MECOM: variants seen among roughly 807,000 people sequenced by gnomAD.
MECOM encodes MDS1 and EVI1 complex locus, also known as histone-lysine N-methyltransferase MECOM.
Under a neutral mutation model 116.3 loss-of-function variants are expected in MECOM, and 13 were observed. The observed-to-expected ratio is 0.11, with a 90% confidence interval of 0.07 to 0.18. MECOM has a LOEUF of 0.18. Among genes scored for constraint, MECOM ranks in the 10% least tolerant of loss-of-function variants. MECOM has a pLI of 1.00. For missense variants in MECOM, 1,299 were observed against 1,509.0 expected, an observed-to-expected ratio of 0.86 and a Z score of 2.31; for synonymous variants, 528 against 535.2, an observed-to-expected ratio of 0.99 and a Z score of 0.19.
intron 2 of MECOM, among the ~76,000 whole-genome samples, chr3:169,165,680 CT>C (rs891766126): frequency 6.6e-6 from 1 of 152,086 alleles, no homozygotes; most frequent in Non-Finnish European, 1.5e-5. Flanking sequence ...ATGCTAGTGA[CT>C]TTTTTATTTC....
Position 169,093,014 on chromosome 3 carries a change from T to G in MECOM, c.3108A>C (p.Arg1036=). Reference sequence around the variant, plus strand: ...CATGGTTGCTGTTCCCAATGAAATTTCGAATTTCTGTGAAGTAAGCATCTT... The same window carrying G: ...CATGGTTGCTGTTCCCAATGAAATTGCGAATTTCTGTGAAGTAAGCATCTT... ...DKEDAYFTEI[R]NFIGNSNHGS... The change falls in exon 14 of 17, where the codon CGA becomes CGC. Residue 1036 remains arginine (R), a synonymous_variant. Transcript: ENST00000651503. 1 of 1,613,852 alleles carries G rather than the reference T, an allele frequency of 6.2e-7. No homozygotes were observed. The highest frequency in any genetic ancestry group is 8.5e-7 in the Non-Finnish European group (1 of 1,179,794).
At chr3:169,244,445 G>C (rs1477157882) in intron 2 of MECOM, among the ~76,000 whole-genome samples, 3 of 152,104 alleles carry the variant, frequency 2.0e-5, no homozygotes, top group Non-Finnish European at 4.4e-5. Flanking sequence ...GTGCCTACCT[G>C]TCCCCCTCAG....
intron 2 of MECOM, among the ~76,000 whole-genome samples, chr3:169,338,957 A>G (rs1365092420): frequency 6.6e-6 from 1 of 152,182 alleles, no homozygotes; most frequent in Non-Finnish European, 1.5e-5. Context: ...CACATAGAAA[A>G]CAGGGCAAGA....
intron 4 of MECOM, among the ~76,000 whole-genome samples, chr3:169,130,119 G>A (rs1237468719): frequency 6.6e-6 from 1 of 152,148 alleles, no homozygotes; most frequent in African/African-American, 2.4e-5. Context: ...CAAGAGTGTT[G>A]TAAAGGAAAG....
chr3:169,525,592 C>T lies in MECOM; in HGVS notation c.37+137744G>A, dbSNP rs1460931598. ...TTTTGTTTGGTTTTGTTTTTTGTCT[C>T]CAAAAAGAGAGCACGTATCAGGTAG... On this transcript the variant is annotated intron_variant, in intron 1 of 16. Transcript: ENST00000651503. 9.9e-5 allele frequency among the ~76,000 whole-genome samples: 15 copies of T among 152,094 alleles called. No homozygotes were observed. In the East Asian group the frequency reaches 2.9e-3, roughly 29 times the overall value.
At chr3:169,475,996 T>A (rs533036041) in intron 1 of MECOM, among the ~76,000 whole-genome samples, 84 of 152,356 alleles carry the variant, frequency 5.5e-4, no homozygotes, top group African/African-American at 1.9e-3. Context: ...TGTGGCTTGA[T>A]GCCACTTTTC....
chr3:169,306,785 G>A (rs1307936744), intron 2 of MECOM, among the ~76,000 whole-genome samples: 1 of 152,202 alleles, frequency 6.6e-6, no homozygotes, highest in Non-Finnish European at 1.5e-5. Context: ...GTATATGTCT[G>A]TCATCCTAAA....
At chr3:169,498,104 T>C (rs1754059173) in intron 1 of MECOM, among the ~76,000 whole-genome samples, 1 of 152,204 alleles carries the variant, frequency 6.6e-6, no homozygotes, top group Non-Finnish European at 1.5e-5. Flanking sequence ...CCAAGGAGCT[T>C]TGAAGTACAA....
Position 169,159,948 on chromosome 3 carries a change from A to T in MECOM, c.376-16116T>A, listed in dbSNP as rs181010833. Among the ~76,000 whole-genome samples the T allele has an allele frequency of 3.4e-3, 520 of 152,312 alleles. 11 individuals carry two copies. The highest frequency in any genetic ancestry group is 6.8e-4 in the Non-Finnish European group (46 of 68,024). On this transcript the variant is annotated intron_variant, in intron 2 of 16. Transcript: ENST00000651503. ...CACAGCACTTAATTTAGTGTCTAGC[A>T]CATACTAAGCACCTAATAAGCATGA...
chr3:169,399,790 A>G (rs1735583690), intron 1 of MECOM, among the ~76,000 whole-genome samples: 1 of 152,222 alleles, frequency 6.6e-6, no homozygotes, highest in African/African-American at 2.4e-5. Flanking sequence ...ATTGTGCTCA[A>G]TACAGTTTTT....
chr3:169,110,880 G>A (rs914407261), intron 9 of MECOM, among the ~76,000 whole-genome samples: 1 of 152,200 alleles, frequency 6.6e-6, no homozygotes, highest in African/African-American at 2.4e-5. Flanking sequence ...AGGCGTGTTT[G>A]TGAAGATCTG....
intron 2 of MECOM, among the ~76,000 whole-genome samples, chr3:169,325,218 G>A (rs1421887325): frequency 6.6e-6 from 1 of 152,122 alleles, no homozygotes; most frequent in Admixed American, 6.5e-5. Context: ...TTTGCTTTCG[G>A]ACAGTCACTG....
intron 1 of MECOM, among the ~76,000 whole-genome samples, chr3:169,409,915 C>T (rs1194849694): frequency 1.3e-5 from 2 of 152,160 alleles, no homozygotes; most frequent in Non-Finnish European, 2.9e-5. Context: ...TAAACAACTG[C>T]TTAAACTTGT....
chr3:169,214,312 T>C (rs1751150414), intron 2 of MECOM, among the ~76,000 whole-genome samples: 1 of 151,998 alleles, frequency 6.6e-6, no homozygotes, highest in Non-Finnish European at 1.5e-5. Context: ...ATGGCTGATA[T>C]ATACTTGCCA....
intron 12 of MECOM, among the ~76,000 whole-genome samples, chr3:169,099,046 T>C (rs1722653979): frequency 6.6e-6 from 1 of 151,718 alleles, no homozygotes; most frequent in South Asian, 2.1e-4. Context: ...GTTATTATTG[T>C]GGTGTCCTAC....
chr3:169,576,838 C>G (rs5018835), intron 1 of MECOM, among the ~76,000 whole-genome samples: 57,592 of 123,630 alleles, frequency 0.47, 13,290 homozygotes, highest in African/African-American at 0.6. Context: ...CACACACACA[C>G]AGAGAGAGAG....
intron 2 of MECOM, among the ~76,000 whole-genome samples, chr3:169,144,709 T>G (rs1231371357): frequency 6.6e-6 from 1 of 152,140 alleles, no homozygotes; most frequent in Non-Finnish European, 1.5e-5. Flanking sequence ...ACAGCAATAA[T>G]GTCTTAAACA....
chr3:169,376,613 T>C (rs924145846), intron 2 of MECOM, among the ~76,000 whole-genome samples: 2 of 151,928 alleles, frequency 1.3e-5, no homozygotes, highest in Non-Finnish European at 2.9e-5. Flanking sequence ...CTAGAAATAC[T>C]ACTTAAAAGG....
At chr3:169,090,360 AT>A in intron 14 of MECOM, 124 bp from the exon 15 acceptor site, 1 of 821,352 alleles carries the variant, frequency 1.2e-6, no homozygotes, top group Non-Finnish European at 1.9e-6. Context: ...GAAATGTTTT[AT>A]TGTTTATGCT....
Sources: gnomAD v4.1 joint callset for allele counts (sites outside exome capture counted in the v4.1 genomes callset) on GRCh38, gnomAD v4.1.1 for gene constraint, MANE v1.5 for transcripts, NCBI Gene and HGNC (gene_info 2026-07-23, HGNC 2026-07-21) for gene names.